CSMD1: variants seen among roughly 807,000 people sequenced by gnomAD.
CSMD1 encodes CUB and Sushi multiple domains 1, also known as CUB and sushi domain-containing protein 1.
In CSMD1, 213 loss-of-function variants were observed where a neutral mutation model predicts 417.5. That is an observed-to-expected ratio of 0.51 (90% CI 0.46 to 0.57). The LOEUF is 0.57. Ranked by LOEUF, CSMD1 falls within the 20% of genes least tolerant of loss-of-function variation. The probability of loss-of-function intolerance (pLI) is 0.00; values close to 1 mark genes in which losing one functional copy is unlikely to be tolerated. For missense variants in CSMD1, 6,923 were observed against 4,529.7 expected, an observed-to-expected ratio of 1.53 and a Z score of -15.17; for synonymous variants, 2,862 against 1,736.8, an observed-to-expected ratio of 1.65 and a Z score of -16.11.
At chr8:3,545,244 C>A (rs1429845493) in intron 10 of CSMD1, among the ~76,000 whole-genome samples, 1 of 152,126 alleles carries the variant, frequency 6.6e-6, no homozygotes, top group African/African-American at 2.4e-5. Flanking sequence ...ATGTATGTGT[C>A]TATGAACTTT....
intron 2 of CSMD1, among the ~76,000 whole-genome samples, chr8:4,519,936 CGTGTGT>C (rs67711521): frequency 1.2e-4 from 17 of 147,076 alleles, no homozygotes; most frequent in South Asian, 6.5e-4. Context: ...TGTGTGTGTG[CGTGTGT>C]GTGTGTGTGT....
At chr8:3,394,186 G>C (rs565192033) in intron 17 of CSMD1, among the ~76,000 whole-genome samples, 1 of 146,032 alleles carries the variant, frequency 6.8e-6, no homozygotes, top group African/African-American at 2.5e-5. Context: ...ACATAGGGTA[G>C]TCATTCTTTT....
chr8:3,847,313 C>T (rs1039817195), intron 5 of CSMD1, among the ~76,000 whole-genome samples: 1 of 152,112 alleles, frequency 6.6e-6, no homozygotes, highest in Non-Finnish European at 1.5e-5. Context: ...GAGAACCTGA[C>T]CTACTTAGAG....
intron 3 of CSMD1, among the ~76,000 whole-genome samples, chr8:4,245,060 T>C (rs373566396): frequency 3.9e-5 from 6 of 152,168 alleles, no homozygotes; most frequent in Non-Finnish European, 5.9e-5. Context: ...AAATGTGTAT[T>C]ATAGCTATTT....
At chr8:4,547,295 C>T (rs1421451516) in intron 2 of CSMD1, among the ~76,000 whole-genome samples, 1 of 152,176 alleles carries the variant, frequency 6.6e-6, no homozygotes, top group African/African-American at 2.4e-5. Flanking sequence ...AATGTAAAGG[C>T]ATTATAACTA....
At chr8:3,404,637 T>G (rs1225629557) in intron 15 of CSMD1, among the ~76,000 whole-genome samples, 1 of 152,176 alleles carries the variant, frequency 6.6e-6, no homozygotes, top group Non-Finnish European at 1.5e-5. Context: ...ACATGTTGAC[T>G]AAAGACAACT....
intron 3 of CSMD1, among the ~76,000 whole-genome samples, chr8:4,279,077 A>C (rs1459961161): frequency 6.6e-6 from 1 of 152,074 alleles, no homozygotes; most frequent in African/African-American, 2.4e-5. Flanking sequence ...ATGTTTGAAC[A>C]TTTTCCTAAT....
intron 59 of CSMD1, among the ~76,000 whole-genome samples, 168 bp downstream of exon 59, chr8:2,965,607 C>G (rs1406070660): frequency 1.3e-5 from 2 of 152,146 alleles, no homozygotes; most frequent in African/African-American, 2.4e-5. Context: ...ATCTGTAAAA[C>G]TGAGATTAAA....
intron 1 of CSMD1, among the ~76,000 whole-genome samples, chr8:4,976,695 A>G (rs555830218): frequency 6.6e-5 from 10 of 152,236 alleles, no homozygotes; most frequent in African/African-American, 2.4e-4. Flanking sequence ...CAGCATTTTT[A>G]TTTGTTTTAA....
intron 2 of CSMD1, among the ~76,000 whole-genome samples, chr8:4,553,268 T>G (rs967414173): frequency 6.6e-6 from 1 of 152,144 alleles, no homozygotes; most frequent in Non-Finnish European, 1.5e-5. Context: ...AGTTCCTCAT[T>G]CCACTTCACT....
chr8:4,083,665 C>A (rs911058828), intron 3 of CSMD1, among the ~76,000 whole-genome samples: 1 of 152,114 alleles, frequency 6.6e-6, no homozygotes, highest in Non-Finnish European at 1.5e-5. Context: ...TGGATCCCTT[C>A]CTTACACCTT....
intron 3 of CSMD1, among the ~76,000 whole-genome samples, chr8:4,052,150 C>CCTGACCTGAAGTGATCCA (rs1158856436): frequency 7.9e-5 from 12 of 152,014 alleles, no homozygotes; most frequent in African/African-American, 2.9e-4. Flanking sequence ...GTCTCGAACT[C>CCTGACCTGAAGTGATCCA]CTGACCTGAA....
At chr8:3,944,196 T>A (rs1811076790) in intron 5 of CSMD1, among the ~76,000 whole-genome samples, 1 of 152,152 alleles carries the variant, frequency 6.6e-6, no homozygotes, top group Non-Finnish European at 1.5e-5. Context: ...CTGAAATGGT[T>A]TGAAAATAAA....
intron 3 of CSMD1, among the ~76,000 whole-genome samples, chr8:4,077,840 T>A (rs1799915091): frequency 6.6e-6 from 1 of 152,150 alleles, no homozygotes; most frequent in Admixed American, 6.5e-5. Flanking sequence ...TAAACCAAAT[T>A]GAGCCTAAAT....
At chr8:4,567,054 G>T (rs1167095423) in intron 2 of CSMD1, among the ~76,000 whole-genome samples, 2 of 152,152 alleles carry the variant, frequency 1.3e-5, no homozygotes, top group Non-Finnish European at 1.5e-5. Context: ...TATTTGAAAA[G>T]GGGGCTTCCA....
intron 26 of CSMD1, among the ~76,000 whole-genome samples, chr8:3,269,488 T>G (rs1010165093): frequency 6.6e-6 from 1 of 152,212 alleles, no homozygotes; most frequent in African/African-American, 2.4e-5. Context: ...AAATGATGTT[T>G]TAAAATGAAA....
intron 1 of CSMD1, among the ~76,000 whole-genome samples, chr8:4,952,221 G>T (rs549919949): frequency 6.6e-6 from 1 of 151,926 alleles, no homozygotes; most frequent in African/African-American, 2.4e-5. Flanking sequence ...AGCCATGTTT[G>T]CTCCGTGGAG....
intron 6 of CSMD1, among the ~76,000 whole-genome samples, chr8:3,736,712 T>G (rs1796539762): frequency 1.3e-5 from 2 of 152,232 alleles, no homozygotes. Flanking sequence ...AGGACACACC[T>G]GCTTCACACT....
intron 3 of CSMD1, among the ~76,000 whole-genome samples, chr8:4,165,585 T>C (rs908461702): frequency 6.6e-6 from 1 of 152,184 alleles, no homozygotes; most frequent in African/African-American, 2.4e-5. Flanking sequence ...AAGTTATTTG[T>C]AGAGACATGG....
Sources: allele counts gnomAD v4.1 joint callset (sites outside exome capture counted in the v4.1 genomes callset), GRCh38; gene constraint gnomAD v4.1.1; transcripts MANE v1.5; gene names NCBI Gene and HGNC (gene_info 2026-07-23, HGNC 2026-07-21).